The following UBE4B variants were observed in gnomAD, a reference collection of about 807,000 sequenced individuals.
UBE4B encodes the protein ubiquitination factor E4B.
Under a neutral mutation model 148.1 loss-of-function variants are expected in UBE4B, and 27 were observed. The ratio of observed to expected loss-of-function variants is 0.18; its 90% CI spans 0.13 to 0.25. The LOEUF is 0.25. Ranked by LOEUF, UBE4B falls within the 10% of genes least tolerant of loss-of-function variation. The pLI is 1.00. For missense variants in UBE4B, 1,170 were observed against 1,662.4 expected (o/e 0.70, Z 5.15); for synonymous variants, 596 against 619.3 (o/e 0.96, Z 0.56).
intron 17 of UBE4B, among the ~76,000 whole-genome samples, chr1:10,143,633 C>T (rs114892867): frequency 0.017 from 2,634 of 152,266 alleles, 35 homozygotes; most frequent in Non-Finnish European, 0.027. Context: ...CAGGTTCCCT[C>T]GAAGGATTCG....
In UBE4B at chr1:10,129,372, G is replaced by C. The variant is rs1388522394; in HGVS notation, c.1639-20G>C. ...AGTTTAAGATGAAATGCATTTAAAT[G>C]ACTCTGATCTTATTTCTAGGCACTA... On this transcript the variant is annotated intron_variant, in intron 11 of 27. Coordinates refer to ENST00000343090, the MANE Select transcript of UBE4B (RefSeq NM_001105562.3). The C allele has an allele frequency of 6.2e-7, 1 of 1,601,716 alleles. No homozygotes were observed. The highest frequency in any genetic ancestry group is 8.5e-7 in the Non-Finnish European group (1 of 1,169,794).
chr1:10,137,835 G>A (rs909709712), intron 17 of UBE4B, among the ~76,000 whole-genome samples: 3 of 148,918 alleles, frequency 2.0e-5, no homozygotes, highest in Non-Finnish European at 4.4e-5. Flanking sequence ...CTGCTTTTTG[G>A]TCTAGAACCT....
At chr1:10,154,781 G>A (rs1001892122) in intron 21 of UBE4B, among the ~76,000 whole-genome samples, 3 of 151,682 alleles carry the variant, frequency 2.0e-5, no homozygotes, top group Admixed American at 6.6e-5. Context: ...GGCAGAGGTT[G>A]CAGTGAGCCA....
intron 8 of UBE4B, 22 bp downstream of exon 8, chr1:10,117,622 T>TAAA: frequency 3.3e-6 from 4 of 1,211,680 alleles, no homozygotes; most frequent in East Asian, 2.9e-5. Context: ...TGGATTAACT[T>TAAA]AAAAAAAAAA....
intron 9 of UBE4B, 138 bp from the exon 10 acceptor site, chr1:10,121,824 C>T (rs1645415888): frequency 1.2e-5 from 6 of 518,818 alleles, no homozygotes; most frequent in Non-Finnish European, 1.7e-5. Context: ...GGTTAGCTTT[C>T]GCCTGAAACT....
intron 25 of UBE4B, among the ~76,000 whole-genome samples, chr1:10,175,870 TA>T (rs1162108084): frequency 6.6e-6 from 1 of 152,138 alleles, no homozygotes; most frequent in Non-Finnish European, 1.5e-5. Context: ...AGTAACCATT[TA>T]AAAGTGTACC....
chr1:10,158,208 C>T lies in UBE4B; in HGVS notation c.2927-148C>T, dbSNP rs929454955. ...TTTAAAAGCAGCTTATAATTTCTGTCGTGCCCTACATGCAAAAGAAGTGCA... is the reference window on the plus strand; with the variant it reads ...TTTAAAAGCAGCTTATAATTTCTGTTGTGCCCTACATGCAAAAGAAGTGCA... On this transcript the variant is annotated intron_variant, in intron 21 of 27. Transcript: ENST00000343090. 43 of 893,528 alleles carry T rather than the reference C, an allele frequency of 4.8e-5. No individual in the cohort carries two copies. In the South Asian group the frequency reaches 5.4e-4, roughly 11 times the overall value. 55.3% of individuals were successfully genotyped at this position (893,528 alleles called of 1,614,324 possible).
intron 1 of UBE4B, among the ~76,000 whole-genome samples, chr1:10,042,897 C>T (rs1557505628): frequency 6.6e-6 from 1 of 152,124 alleles, no homozygotes; most frequent in Non-Finnish European, 1.5e-5. Context: ...TTCAGAAGGC[C>T]TTGAGGTAAA....
At position 10,123,427 on chromosome 1, in the gene UBE4B, CAAAAAAAAA is replaced by C. The variant is rs34527607; in HGVS notation, c.1554+1369_1554+1377del. Among the ~76,000 whole-genome samples the C allele has an allele frequency of 9.6e-3, 344 of 35,678 alleles. 5 individuals are homozygous for C. The highest frequency in any genetic ancestry group is 0.025 in the African/African-American group (286 of 11,606). The allele number at this position is 35,678 out of a possible 152,430, so 23.4% of individuals were successfully genotyped here. ...CCTGGGTGACAGAGCAAGACTGTCTCAAAAAAAAAAAAAAAAAAAAAAAAAATTACTGTC... is the reference window on the plus strand; with the variant it reads ...CCTGGGTGACAGAGCAAGACTGTCTCAAAAAAAAAAAAAAAAATTACTGTC... On this transcript the variant is annotated intron_variant, in intron 10 of 27. Coordinates refer to ENST00000343090, the MANE Select transcript of UBE4B (RefSeq NM_001105562.3).
intron 7 of UBE4B, among the ~76,000 whole-genome samples, chr1:10,111,038 GTCTCTGACACACACACACACACAC>G (rs1645209595): frequency 2.0e-5 from 2 of 98,478 alleles, no homozygotes; most frequent in African/African-American, 7.7e-5. Flanking sequence ...GTCTTTCTCT[GTCTCTGACACACACACACACACAC>G]ACACACACAC....
At chr1:10,120,385 T>G (rs1468731017) in intron 9 of UBE4B, among the ~76,000 whole-genome samples, 1 of 152,140 alleles carries the variant, frequency 6.6e-6, no homozygotes, top group African/African-American at 2.4e-5. Flanking sequence ...TAGCTGGGCA[T>G]TGTGGCATGT....
chr1:10,044,792 A>T (rs972591234), intron 1 of UBE4B, among the ~76,000 whole-genome samples: 1 of 152,088 alleles, frequency 6.6e-6, no homozygotes, highest in East Asian at 1.9e-4. Context: ...TATGTTGGCC[A>T]GGCTGTTCTT....
chr1:10,143,335 G>C (rs765589911), intron 17 of UBE4B, among the ~76,000 whole-genome samples: 5 of 152,136 alleles, frequency 3.3e-5, no homozygotes, highest in Non-Finnish European at 5.9e-5. Context: ...CCGGGAGTCA[G>C]AGGTTGCAGT....
intron 22 of UBE4B, among the ~76,000 whole-genome samples, chr1:10,159,487 A>T (rs905934486): frequency 1.3e-5 from 2 of 152,230 alleles, no homozygotes; most frequent in Non-Finnish European, 2.9e-5. Context: ...CCTGGCTAAC[A>T]TGGTGAAACC....
At chr1:10,145,245 T>C in intron 18 of UBE4B, 1 of 403,094 alleles carries the variant, frequency 2.5e-6, no homozygotes, top group Non-Finnish European at 4.5e-6. Flanking sequence ...AGAATATGGA[T>C]AGATATGCTT....
At chr1:10,133,122 C>T (rs1645623202) in intron 15 of UBE4B, among the ~76,000 whole-genome samples, 1 of 150,618 alleles carries the variant, frequency 6.6e-6, no homozygotes, top group Admixed American at 6.6e-5. Context: ...GCTGCAAGGG[C>T]GTGAGTGCTT....
Position 10,130,822 on chromosome 1 carries a change from T to C in UBE4B, c.1911+9T>C, listed in dbSNP as rs1249956422. Reference sequence around the variant, plus strand: ...ACTTAGAGCTCGGAAGGGTAAGTGTTCAGAAAACAAATCCAGAGGAAGTAT... The same window carrying C: ...ACTTAGAGCTCGGAAGGGTAAGTGTCCAGAAAACAAATCCAGAGGAAGTAT... On this transcript the variant is annotated intron_variant, in intron 14 of 27. Coordinates refer to ENST00000343090, the MANE Select transcript of UBE4B (RefSeq NM_001105562.3). 6.2e-7 allele frequency: 1 copy of C among 1,611,984 alleles called. No homozygotes were observed. Among genetic ancestry groups the C allele is most frequent in the Admixed American group, 1.7e-5 (1 of 60,006 alleles).
intron 23 of UBE4B, among the ~76,000 whole-genome samples, chr1:10,167,226 C>T (rs960217402): frequency 1.3e-5 from 2 of 151,786 alleles, no homozygotes; most frequent in Admixed American, 6.6e-5. Context: ...GATCACCTGA[C>T]GTCAGGAGTT....
intron 10 of UBE4B, 71 bp from the exon 11 acceptor site, chr1:10,126,723 C>T (rs1175182133): frequency 1.0e-5 from 14 of 1,339,550 alleles, no homozygotes; most frequent in Non-Finnish European, 1.4e-5. Flanking sequence ...GTTCTAGCAC[C>T]TTATTTGACA....
Sources: gnomAD v4.1 joint callset for allele counts (sites outside exome capture counted in the v4.1 genomes callset) on GRCh38, gnomAD v4.1.1 for gene constraint, MANE v1.5 for transcripts, NCBI Gene and HGNC (gene_info 2026-07-23, HGNC 2026-07-21) for gene names.